Variants in CTTNBP2 observed in about 807,000 individuals in gnomAD.
CTTNBP2 encodes cortactin-binding protein 2.
Under a neutral mutation model 156.9 loss-of-function variants are expected in CTTNBP2, and 108 were observed. The observed-to-expected ratio is 0.69, with a 90% confidence interval of 0.59 to 0.81. CTTNBP2 has a LOEUF of 0.81. CTTNBP2 is among the 30% of genes least tolerant of loss of function. The pLI is 0.00. For synonymous variants in CTTNBP2, 767 were observed against 751.8 expected (o/e 1.02, Z -0.33); for missense variants, 1,924 against 2,035.4 (o/e 0.95, Z 1.05).
At chr7:117,871,936 T>C in intron 1 of CTTNBP2, 2 of 984,236 alleles carry the variant, frequency 2.0e-6, no homozygotes, top group Non-Finnish European at 2.4e-6. Context: ...CACCAAATCA[T>C]TTCCACTTGC....
chr7:117,871,944 T>C (rs1804636166), intron 1 of CTTNBP2: 1 of 984,320 alleles, frequency 1.0e-6, no homozygotes, highest in Non-Finnish European at 1.2e-6. Flanking sequence ...CATTTCCACT[T>C]GCCAGAGAGC....
At chr7:117,841,229 TA>T (rs1043261485) in intron 2 of CTTNBP2, among the ~76,000 whole-genome samples, 6 of 152,108 alleles carry the variant, frequency 3.9e-5, no homozygotes, top group Non-Finnish European at 7.4e-5. Context: ...TCTGAGCTGT[TA>T]AAAAAATCAT....
chr7:117,786,491 C>T (rs925483667), intron 4 of CTTNBP2: 3 of 392,470 alleles, frequency 7.6e-6, no homozygotes, highest in South Asian at 1.9e-5. Flanking sequence ...ATTAGAAATG[C>T]ATAAACAGAG....
At chr7:117,860,140 C>T (rs1199005735) in intron 2 of CTTNBP2, among the ~76,000 whole-genome samples, 1 of 152,022 alleles carries the variant, frequency 6.6e-6, no homozygotes, top group Admixed American at 6.5e-5. Flanking sequence ...TAAGATAAAC[C>T]CATACTTAAT....
chr7:117,751,322 G>A (rs1328771857), intron 12 of CTTNBP2, among the ~76,000 whole-genome samples: 1 of 152,190 alleles, frequency 6.6e-6, no homozygotes, highest in African/African-American at 2.4e-5. Context: ...TGAGGAAAAG[G>A]AACTTCTGTC....
intron 6 of CTTNBP2, among the ~76,000 whole-genome samples, chr7:117,782,566 C>A (rs1312546711): frequency 6.6e-6 from 1 of 152,174 alleles, no homozygotes; most frequent in Non-Finnish European, 1.5e-5. Context: ...TCTCAACAGT[C>A]CTTCATCTCA....
chr7:117,771,870 G>C (rs1288873487), intron 8 of CTTNBP2, among the ~76,000 whole-genome samples: 1 of 152,154 alleles, frequency 6.6e-6, no homozygotes, highest in Non-Finnish European at 1.5e-5. Flanking sequence ...AAGAAGCCAA[G>C]ACAAGCTGAA....
chr7:117,783,977 A>T (rs1023071135), intron 5 of CTTNBP2, among the ~76,000 whole-genome samples: 2 of 152,180 alleles, frequency 1.3e-5, no homozygotes, highest in African/African-American at 4.8e-5. Flanking sequence ...TATATCAGGT[A>T]TTTCTAACAG....
At chr7:117,758,325 T>G (rs1291455897) in intron 10 of CTTNBP2, among the ~76,000 whole-genome samples, 5 of 152,140 alleles carry the variant, frequency 3.3e-5, no homozygotes, top group African/African-American at 1.2e-4. Context: ...AAAGCTTGTT[T>G]CTCAAAGCCT....
chr7:117,819,035 C>T (rs188057619), intron 2 of CTTNBP2, among the ~76,000 whole-genome samples: 76 of 152,148 alleles, frequency 5.0e-4, no homozygotes, highest in South Asian at 1.9e-3. Context: ...CTGTTATATC[C>T]CTCTCAAACC....
chr7:117,866,861 T>C (rs1426130877), intron 1 of CTTNBP2, among the ~76,000 whole-genome samples: 1 of 152,146 alleles, frequency 6.6e-6, no homozygotes, highest in African/African-American at 2.4e-5. Context: ...GTTAGAGAAA[T>C]GTATTTTCCT....
At chr7:117,848,741 T>C (rs553608577) in intron 2 of CTTNBP2, among the ~76,000 whole-genome samples, 15 of 152,348 alleles carry the variant, frequency 9.8e-5, no homozygotes, top group Admixed American at 5.9e-4. Context: ...TAAGATTTCA[T>C]TGGAAGAAAA....
At position 117,711,759 on chromosome 7, in the gene CTTNBP2, A is replaced by T; in HGVS notation, c.4770T>A (p.His1590Gln). 1 of 1,613,518 alleles carries T rather than the reference A, an allele frequency of 6.2e-7. No individual in the cohort carries two copies. The change falls in exon 23 of 23, where the codon CAT becomes CAA. Residue 1590 changes from histidine (H) to glutamine (Q), a missense_variant. Physicochemically the swap from His to Gln is conservative, Grantham distance 24. Coordinates refer to ENST00000160373, the MANE Select transcript of CTTNBP2 (RefSeq NM_033427.3). Reference sequence around the variant, plus strand: ...TACTGTTGCTGCATTCAGTAGTTTGATGGCTGCTGAGAGGACTGACCTCCT... The same window carrying T: ...TACTGTTGCTGCATTCAGTAGTTTGTTGGCTGCTGAGAGGACTGACCTCCT... ...SQKEVSPLSS[H>Q]QTTECSNSKS...
chr7:117,779,974 G>C (rs1019136354), intron 7 of CTTNBP2, among the ~76,000 whole-genome samples: 2 of 152,036 alleles, frequency 1.3e-5, no homozygotes, highest in Non-Finnish European at 2.9e-5. Context: ...TGATCAGGCT[G>C]GTCTTGAATT....
rs1185600344 is a variant in CTTNBP2 at position 117,710,848 on chromosome 7, TAAGA to T, written c.*685_*688del. On this transcript the variant is annotated 3_prime_UTR_variant, in exon 23 of 23. Transcript: ENST00000160373. Reference sequence around the variant, plus strand: ...TATCCACTTAGGTACAAAACTTTTGTAAGAAAGATAACACTTTTATTGCATTATA... The same window carrying T: ...TATCCACTTAGGTACAAAACTTTTGTAAGATAACACTTTTATTGCATTATA... 3 of 152,598 alleles carry T rather than the reference TAAGA, an allele frequency of 2.0e-5. No individual in the cohort carries two copies. The highest frequency in any genetic ancestry group is 4.8e-5 in the African/African-American group (2 of 41,456). 9.5% of individuals were successfully genotyped at this position (152,598 alleles called of 1,614,324 possible).
chr7:117,736,265 G>A (rs1026889908), intron 14 of CTTNBP2, among the ~76,000 whole-genome samples: 4 of 152,078 alleles, frequency 2.6e-5, no homozygotes, highest in Admixed American at 1.3e-4. Context: ...GGCCAGCCTG[G>A]GCAACATGGT....
intron 20 of CTTNBP2, among the ~76,000 whole-genome samples, chr7:117,720,377 T>C (rs1794715049): frequency 6.6e-6 from 1 of 152,208 alleles, no homozygotes; most frequent in African/African-American, 2.4e-5. Context: ...AAATAGTCTA[T>C]TTCTTAGGAA....
rs776377295 is a variant in CTTNBP2, at chr7:117,822,396, A to G, written c.190-11407T>C. ...TTTCATTGACTGCTTCTTTTAACAA[A>G]AAGTTTTTCCCTTCTACTTTGTGTT... On this transcript the variant is annotated intron_variant, in intron 2 of 22. Coordinates refer to ENST00000160373, the MANE Select transcript of CTTNBP2 (RefSeq NM_033427.3). 1.2e-4 allele frequency among the ~76,000 whole-genome samples: 16 copies of G among 132,260 alleles called. No individual in the cohort carries two copies. The South Asian group carries it at 1.6e-3, about 13-fold the overall frequency. The allele number at this position is 132,260 out of a possible 152,430, so 86.8% of individuals were successfully genotyped here. A position where few individuals can be genotyped will look rare whatever the true frequency, so the allele number is the denominator to read the frequency against.
intron 14 of CTTNBP2, among the ~76,000 whole-genome samples, chr7:117,743,578 A>G (rs1449905049): frequency 1.3e-5 from 2 of 152,064 alleles, no homozygotes; most frequent in South Asian, 2.1e-4. Context: ...TAGGGCCTAC[A>G]TGGTGAAACC....
Sources: allele counts gnomAD v4.1 joint callset (sites outside exome capture counted in the v4.1 genomes callset), GRCh38; gene constraint gnomAD v4.1.1; transcripts MANE v1.5; gene names NCBI Gene and HGNC (gene_info 2026-07-23, HGNC 2026-07-21).